TJP1: variants seen among roughly 807,000 people sequenced by gnomAD.
TJP1 encodes the protein tight junction protein ZO-1.
In TJP1, 43 loss-of-function variants were observed where a neutral mutation model predicts 194.2. The ratio of observed to expected loss-of-function variants is 0.22; its 90% confidence interval spans 0.17 to 0.29. The LOEUF is 0.29. Ranked by LOEUF, TJP1 falls within the 10% of genes least tolerant of loss-of-function variation. The pLI, the probability that TJP1 is intolerant of heterozygous loss-of-function variation, is 1.00. For synonymous variants in TJP1, 801 were observed against 779.0 expected (o/e 1.03, Z -0.47); for missense variants, 1,971 against 2,185.7 (o/e 0.90, Z 1.96).
At chr15:29,821,867 C>G in intron 1 of TJP1, 135 bp downstream of exon 1, 1 of 891,402 alleles carries the variant, frequency 1.1e-6, no homozygotes, top group Non-Finnish European at 1.3e-6. Context: ...CGCGGCCCCG[C>G]GCCAGCCCTG....
chr15:29,908,520 C>A (rs1229807323), intron 2 of TJP1, among the ~76,000 whole-genome samples: 2 of 152,326 alleles, frequency 1.3e-5, no homozygotes, highest in South Asian at 4.1e-4. Context: ...CTGATGTCCA[C>A]CCCTGCAGCC....
chr15:29,850,495 C>A (rs560524397), intron 2 of TJP1, among the ~76,000 whole-genome samples: 1 of 152,024 alleles, frequency 6.6e-6, no homozygotes, highest in Admixed American at 6.5e-5. Flanking sequence ...CGCCACCATG[C>A]CCAGCTAATT....
intron 1 of TJP1, among the ~76,000 whole-genome samples, chr15:29,802,609 TA>T (rs892132807): frequency 5.7e-4 from 81 of 143,324 alleles, no homozygotes; most frequent in Admixed American, 6.9e-4. Flanking sequence ...GATAATGCAC[TA>T]AAAAAAAAAA....
chr15:29,797,858 T>C (rs1205573896), intron 2 of TJP1, among the ~76,000 whole-genome samples: 1 of 152,168 alleles, frequency 6.6e-6, no homozygotes, highest in Non-Finnish European at 1.5e-5. Context: ...AAAAACCCAA[T>C]TAAAAATGGG....
rs528162507 is a variant in TJP1, at chr15:29,847,544, G to T, written c.307-46842C>A. On this transcript the variant is annotated intron_variant, in intron 2 of 28. Transcript: ENST00000356107. ...CTCACGCCTGTAATCCCAGCACTTT[G>T]CGAGGCTGAGGTGGGCGGATCACGA... Among the ~76,000 whole-genome samples the T allele has an allele frequency of 3.3e-5, 5 of 152,252 alleles. No homozygotes were observed. In the East Asian group the frequency reaches 5.8e-4, roughly 18 times the overall value.
At chr15:29,817,424 C>T (rs1184488315) in intron 1 of TJP1, among the ~76,000 whole-genome samples, 2 of 152,164 alleles carry the variant, frequency 1.3e-5, no homozygotes, top group Non-Finnish European at 2.9e-5. Context: ...GATAGTATGG[C>T]AATTCCTCAA....
rs749680873 is a variant in TJP1, at chr15:29,726,444, A to G, written c.2347T>C (p.Tyr783His). Residue 783 changes from tyrosine (Y) to histidine (H), a missense_variant, in exon 18 of 28, where the codon TAT becomes CAT. By Grantham distance (83) the Tyr-to-His change is moderately conservative. Transcript: ENST00000614355. ...INLNSMNDGWYGALKEAIQQQ... is the reference protein window; with the variant it reads ...INLNSMNDGWHGALKEAIQQQ... ...TGAATTGCTTCTTTCAGCGCACCAT[A>G]CCAACCATCATTCATTGAATTTAAG... is the stretch of plus-strand genomic sequence containing the variant. 6.2e-7 allele frequency: 1 copy of G among 1,614,104 alleles called. No homozygotes were observed. The highest frequency in any genetic ancestry group is 2.2e-5 in the East Asian group (1 of 44,862).
At chr15:29,849,662 C>G (rs2152080285) in intron 2 of TJP1, among the ~76,000 whole-genome samples, 1 of 151,526 alleles carries the variant, frequency 6.6e-6, no homozygotes. Context: ...TTGCTTGAAC[C>G]CGGGAGTCGG....
At chr15:29,897,553 C>G (rs926881197) in intron 2 of TJP1, among the ~76,000 whole-genome samples, 2 of 152,172 alleles carry the variant, frequency 1.3e-5, no homozygotes, top group African/African-American at 4.8e-5. Context: ...GTCCTCCAGA[C>G]CCCAGAATGG....
intron 15 of TJP1, chr15:29,728,765 G>A (rs900907199): frequency 6.6e-6 from 1 of 152,202 alleles, no homozygotes; most frequent in African/African-American, 2.4e-5. Flanking sequence ...GATCTGGAAA[G>A]ACAAGTCACA....
chr15:29,798,264 C>T (rs977040896), intron 2 of TJP1, among the ~76,000 whole-genome samples: 11 of 102,136 alleles, frequency 1.1e-4, no homozygotes, highest in Non-Finnish European at 1.6e-4. Context: ...AGCCACTGTG[C>T]CCAGCGTTTT....
At chr15:29,853,985 T>G (rs1483253439) in intron 2 of TJP1, among the ~76,000 whole-genome samples, 1 of 152,138 alleles carries the variant, frequency 6.6e-6, no homozygotes, top group Non-Finnish European at 1.5e-5. Context: ...ACCACTAGAT[T>G]TCCATGAATT....
Position 29,772,088 on chromosome 15 carries a change from C to T in TJP1, c.288G>A (p.Arg96=), listed in dbSNP as rs758554480. ...CAATTTTTGCATTTTTCCCACTTTT[C>T]CTTAGTTGCTGAACAGCAAAAGCAT... is the stretch of plus-strand genomic sequence containing the variant. ...VEHAFAVQQL[R]KSGKNAKITI... is the part of the protein sequence containing the mutation. Residue 96 remains arginine (R), a synonymous_variant, in exon 4 of 28, where the codon AGG becomes AGA. Coordinates refer to ENST00000614355, the MANE Select transcript of TJP1 (RefSeq NM_001330239.4). 3.8e-6 allele frequency: 6 copies of T among 1,597,652 alleles called. No homozygotes were observed. Among genetic ancestry groups the T allele is most frequent in the Non-Finnish European group, 5.1e-6 (6 of 1,174,178 alleles).
rs528119117 is a variant in TJP1 at position 29,771,079 on chromosome 15, T to C, written c.312+985A>G. ...ATATAATTTTTTTATCCACTATATA[T>C]TTTTACTGTACTTTTTCCATGTTTA... On this transcript the variant is annotated intron_variant, in intron 4 of 27. Transcript: ENST00000614355. 5.3e-5 allele frequency among the ~76,000 whole-genome samples: 8 copies of C among 152,296 alleles called. No homozygotes were observed. In the South Asian group the frequency reaches 1.4e-3, roughly 28 times the overall value.
intron 2 of TJP1, among the ~76,000 whole-genome samples, chr15:29,860,894 G>T (rs548544639): frequency 6.6e-6 from 1 of 152,234 alleles, no homozygotes; most frequent in Non-Finnish European, 1.5e-5. Context: ...TAAAATTAAG[G>T]TATGTACATT....
chr15:29,708,679 G>A lies in TJP1; in HGVS notation c.4730C>T (p.Ser1577Leu), dbSNP rs61736881. The change falls in exon 25 of 28, where the codon TCG becomes TTG. Residue 1577 changes from serine to leucine, a missense_variant. Coordinates refer to ENST00000614355, the MANE Select transcript of TJP1 (RefSeq NM_001330239.4). ...CTCAGGAGGCTGTGCCAAACTGTGC[G>A]ATTTCACAAGAGTTTTTGGAGAAGT... ...TPTSPKTLVK[S>L]HSLAQPPEFD... is the part of the protein sequence containing the mutation. 1.0e-4 allele frequency: 169 copies of A among 1,614,094 alleles called. No individual in the cohort carries two copies. The African/African-American group carries it at 1.9e-3, about 18-fold the overall frequency.
At chr15:29,775,169 T>C (rs1274894455) in intron 2 of TJP1, among the ~76,000 whole-genome samples, 1 of 152,176 alleles carries the variant, frequency 6.6e-6, no homozygotes, top group Admixed American at 6.5e-5. Context: ...TGAGATCAAC[T>C]GTGGAGAGGT....
In TJP1 at chr15:29,737,369, A is replaced by G. The variant is rs1349278972; in HGVS notation, c.1302T>C (p.Gly434=). 1 of 1,614,010 alleles carries G rather than the reference A, an allele frequency of 6.2e-7. No homozygotes were observed. The highest frequency in any genetic ancestry group is 8.5e-7 in the Non-Finnish European group (1 of 1,180,018). Residue 434 remains glycine (G), a synonymous_variant, in exon 11 of 28, where the codon GGT becomes GGC. Coordinates refer to ENST00000614355, the MANE Select transcript of TJP1 (RefSeq NM_001330239.4). ...CATCATTTCCACCAGCCAGCCGCAA[A>G]CCCACACTATCTCCTTTTCTGAATT... The part of the protein sequence containing the change: ...LVKFRKGDSV[G]LRLAGGNDVG...
chr15:29,792,210 GT>G (rs368388324), intron 2 of TJP1, among the ~76,000 whole-genome samples: 3 of 152,286 alleles, frequency 2.0e-5, no homozygotes, highest in African/African-American at 7.2e-5. Flanking sequence ...GACCTTTAGT[GT>G]TTCCCAATGT....
Sources: gnomAD v4.1 joint callset for allele counts (sites outside exome capture counted in the v4.1 genomes callset) on GRCh38, gnomAD v4.1.1 for gene constraint, MANE v1.5 for transcripts, NCBI Gene and HGNC (gene_info 2026-07-23, HGNC 2026-07-21) for gene names.